Variants in CSMD1 observed in about 807,000 individuals in gnomAD.
CSMD1 encodes the protein CUB and Sushi multiple domains 1.
In CSMD1, 213 loss-of-function variants were observed where a neutral mutation model predicts 417.5. That is an observed-to-expected ratio of 0.51 (90% CI 0.46 to 0.57). The LOEUF (loss-of-function observed/expected upper bound fraction) is 0.57, where lower values mean the gene tolerates loss of function less well. CSMD1 is among the 20% of genes least tolerant of loss of function. CSMD1 has a pLI of 0.00. For missense variants in CSMD1, 6,923 were observed against 4,529.7 expected (o/e 1.53, Z -15.17); for synonymous variants, 2,862 against 1,736.8 (o/e 1.65, Z -16.11).
intron 7 of CSMD1, among the ~76,000 whole-genome samples, chr8:3,638,589 G>C (rs1361693936): frequency 6.6e-6 from 1 of 152,176 alleles, no homozygotes; most frequent in African/African-American, 2.4e-5. Flanking sequence ...AATCTGGAAA[G>C]GGTCAGAATG....
chr8:3,265,452 G>C (rs1259143339), intron 26 of CSMD1, among the ~76,000 whole-genome samples: 1 of 152,208 alleles, frequency 6.6e-6, no homozygotes, highest in Non-Finnish European at 1.5e-5. Flanking sequence ...AGGGATCAGA[G>C]ACGTTTCCTA....
intron 2 of CSMD1, among the ~76,000 whole-genome samples, chr8:4,618,525 G>C (rs575432168): frequency 8.0e-4 from 122 of 151,812 alleles, no homozygotes; most frequent in Non-Finnish European, 9.7e-4. Flanking sequence ...CTCTAGCTCT[G>C]TGTACATATT....
chr8:4,005,709 C>G (rs1563309612), intron 4 of CSMD1, among the ~76,000 whole-genome samples: 1 of 152,218 alleles, frequency 6.6e-6, no homozygotes, highest in Admixed American at 6.5e-5. Context: ...TCAAGACTCC[C>G]TCATTTGATT....
intron 4 of CSMD1, 50 bp downstream of exon 4, chr8:4,031,855 C>G: frequency 7.1e-7 from 1 of 1,406,608 alleles, no homozygotes; most frequent in African/African-American, 1.4e-5. Context: ...ATCTCCAAAA[C>G]CATTGCCCTG....
chr8:3,384,909 T>C (rs1393682826), intron 18 of CSMD1, among the ~76,000 whole-genome samples: 13 of 122,132 alleles, frequency 1.1e-4, no homozygotes, highest in African/African-American at 4.3e-4. Context: ...TTATATATGC[T>C]TATATATTAC....
chr8:4,012,056 G>C (rs1031634108), intron 4 of CSMD1, among the ~76,000 whole-genome samples: 15 of 152,048 alleles, frequency 9.9e-5, no homozygotes, highest in Admixed American at 8.5e-4. Context: ...GGTCGGTACA[G>C]ATGCAGCCAT....
intron 7 of CSMD1, among the ~76,000 whole-genome samples, chr8:3,656,938 C>G (rs945971248): frequency 6.9e-6 from 1 of 144,128 alleles, no homozygotes; most frequent in Admixed American, 7.1e-5. Flanking sequence ...AAAAAAAAAG[C>G]CTTTAAAAAT....
intron 1 of CSMD1, among the ~76,000 whole-genome samples, chr8:4,932,207 G>C (rs920905199): frequency 6.6e-6 from 1 of 151,172 alleles, no homozygotes; most frequent in African/African-American, 2.4e-5. Flanking sequence ...CTTTGAATTT[G>C]CTCCCTTCAT....
At chr8:3,854,178 C>G (rs1804130578) in intron 5 of CSMD1, among the ~76,000 whole-genome samples, 1 of 146,336 alleles carries the variant, frequency 6.8e-6, no homozygotes, top group Non-Finnish European at 1.5e-5. Flanking sequence ...AAAAACACGT[C>G]TTGGAAATGG....
At chr8:4,947,334 G>C (rs1260864008) in intron 1 of CSMD1, among the ~76,000 whole-genome samples, 1 of 152,092 alleles carries the variant, frequency 6.6e-6, no homozygotes, top group Non-Finnish European at 1.5e-5. Context: ...TCTTCTCCCA[G>C]TTAAAATGCA....
At chr8:4,120,498 G>C (rs954414895) in intron 3 of CSMD1, among the ~76,000 whole-genome samples, 1 of 152,126 alleles carries the variant, frequency 6.6e-6, no homozygotes, top group African/African-American at 2.4e-5. Flanking sequence ...AGAACCAGGA[G>C]ATCAATTATT....
rs574697577 is a variant in CSMD1, at chr8:4,064,133, G to T, written c.416-32034C>A. On this transcript the variant is annotated intron_variant, in intron 3 of 69. Transcript: ENST00000635120. The stretch of plus-strand genomic sequence containing the variant: ...CAAAGGGTCCTAGAAAATTGTTTCT[G>T]CCTCTGATGTAAAGTTCAAAAGTTT... Among the ~76,000 whole-genome samples the T allele has an allele frequency of 2.6e-5, 4 of 152,244 alleles. No individual in the cohort carries two copies. The South Asian group carries it at 6.2e-4, about 24-fold the overall frequency.
At chr8:4,522,670 G>A (rs922955908) in intron 2 of CSMD1, among the ~76,000 whole-genome samples, 6 of 152,210 alleles carry the variant, frequency 3.9e-5, no homozygotes, top group Admixed American at 2.0e-4. Flanking sequence ...TCCGCAGCCC[G>A]TCTTGCTGTG....
At chr8:4,157,833 T>G (rs1796922214) in intron 3 of CSMD1, among the ~76,000 whole-genome samples, 1 of 152,090 alleles carries the variant, frequency 6.6e-6, no homozygotes, top group Admixed American at 6.5e-5. Context: ...TCTCCTATCC[T>G]CCCCACAGGA....
intron 1 of CSMD1, among the ~76,000 whole-genome samples, chr8:4,657,649 T>C (rs1202279048): frequency 1.3e-5 from 2 of 148,998 alleles, no homozygotes; most frequent in Non-Finnish European, 3.0e-5. Context: ...TGTATAATAG[T>C]AAACATGGCC....
intron 3 of CSMD1, among the ~76,000 whole-genome samples, chr8:4,319,880 C>G (rs553609249): frequency 2.0e-5 from 3 of 152,254 alleles, no homozygotes; most frequent in African/African-American, 7.2e-5. Flanking sequence ...GTACCCAAGG[C>G]TGAGCTCAGG....
chr8:4,396,933 C>G (rs916031898), intron 3 of CSMD1, among the ~76,000 whole-genome samples: 9 of 152,014 alleles, frequency 5.9e-5, no homozygotes, highest in African/African-American at 1.7e-4. Flanking sequence ...GTACAAGGTA[C>G]ACTGCCTGGG....
At chr8:4,520,340 A>C (rs78578102) in intron 2 of CSMD1, among the ~76,000 whole-genome samples, 1,554 of 152,288 alleles carry the variant, frequency 0.01, 33 homozygotes, top group African/African-American at 0.036. Flanking sequence ...ATAGTCAATG[A>C]ATTTGGTATT....
chr8:4,201,130 C>A (rs940265391), intron 3 of CSMD1, among the ~76,000 whole-genome samples: 2 of 152,146 alleles, frequency 1.3e-5, no homozygotes, highest in South Asian at 2.1e-4. Flanking sequence ...ATATCAATTA[C>A]AGATACCTTT....
Sources: allele counts gnomAD v4.1 joint callset (sites outside exome capture counted in the v4.1 genomes callset), GRCh38; gene constraint gnomAD v4.1.1; transcripts MANE v1.5; gene names NCBI Gene and HGNC (gene_info 2026-07-23, HGNC 2026-07-21).